MAPK8: variants seen among roughly 807,000 people sequenced by gnomAD.
MAPK8 encodes JUN N-terminal kinase.
Under a neutral mutation model 52.9 loss-of-function variants are expected in MAPK8, and 13 were observed. The observed-to-expected ratio is 0.25, with a 90% CI of 0.16 to 0.39. The LOEUF (loss-of-function observed/expected upper bound fraction) is 0.39. Among genes scored for constraint, MAPK8 ranks in the 10% least tolerant of loss-of-function variants. MAPK8 has a pLI of 1.00. For missense variants in MAPK8, 300 were observed against 519.2 expected, an observed-to-expected ratio of 0.58 and a Z score of 4.10; for synonymous variants, 191 against 169.8, an observed-to-expected ratio of 1.12 and a Z score of -0.97.
At chr10:48,399,626 G>A (rs933699538) in intron 1 of MAPK8, among the ~76,000 whole-genome samples, 4 of 152,222 alleles carry the variant, frequency 2.6e-5, no homozygotes, top group Non-Finnish European at 5.9e-5. Flanking sequence ...CTGCATGCAT[G>A]TTCCTGGATC....
chr10:48,373,386 A>G (rs749921622), intron 1 of MAPK8, among the ~76,000 whole-genome samples: 1 of 151,906 alleles, frequency 6.6e-6, no homozygotes, highest in Non-Finnish European at 1.5e-5. Flanking sequence ...ACACATAACA[A>G]TATTAACCTT....
At chr10:48,424,013 G>A (rs2043521483) in intron 6 of MAPK8, 75 bp from the exon 7 acceptor site, 1 of 1,020,738 alleles carries the variant, frequency 9.8e-7, no homozygotes, top group Non-Finnish European at 1.4e-6. Flanking sequence ...TTTATATAAT[G>A]CAGTCATATT....
chr10:48,397,821 C>A (rs1021096548), intron 1 of MAPK8, among the ~76,000 whole-genome samples: 9 of 152,040 alleles, frequency 5.9e-5, no homozygotes, highest in Non-Finnish European at 8.8e-5. Context: ...GAACTCCTGA[C>A]CTCAAGTGAT....
chr10:48,349,925 T>C lies in MAPK8; in HGVS notation c.-50+43104T>C, dbSNP rs189651476. 6.5e-4 allele frequency among the ~76,000 whole-genome samples: 99 copies of C among 152,180 alleles called. 1 individual carries two copies. In the East Asian group the frequency reaches 0.017, roughly 27 times the overall value. On this transcript the variant is annotated intron_variant, in intron 1 of 11. Transcript: ENST00000374189. ...ATCAAATAGACAAAATAAAAAATGA[T>C]AAAGGTGATATCACCACTGATCCCA...
At chr10:48,310,773 G>A (rs1184555214) in intron 1 of MAPK8, among the ~76,000 whole-genome samples, 1 of 151,120 alleles carries the variant, frequency 6.6e-6, no homozygotes, top group East Asian at 1.9e-4. Flanking sequence ...ATACGTATGT[G>A]CATGGAGAGA....
At chr10:48,363,688 C>G (rs1293302242) in intron 1 of MAPK8, among the ~76,000 whole-genome samples, 2 of 152,196 alleles carry the variant, frequency 1.3e-5, no homozygotes, top group African/African-American at 4.8e-5. Flanking sequence ...ATTAAACTTA[C>G]ATTTTTCTCC....
At chr10:48,362,372 C>T (rs1739947079) in intron 1 of MAPK8, among the ~76,000 whole-genome samples, 1 of 151,940 alleles carries the variant, frequency 6.6e-6, no homozygotes, top group Admixed American at 6.6e-5. Flanking sequence ...TTGTTTCTGC[C>T]TTGCTTTAAG....
intron 1 of MAPK8, among the ~76,000 whole-genome samples, chr10:48,365,612 A>T (rs975252964): frequency 4.6e-5 from 7 of 152,192 alleles, no homozygotes; most frequent in African/African-American, 9.6e-5. Flanking sequence ...AACCAAAATA[A>T]CGATAAACTA....
At chr10:48,431,169 C>A in intron 10 of MAPK8, 24 bp from the exon 11 acceptor site, 1 of 1,518,854 alleles carries the variant, frequency 6.6e-7, no homozygotes, top group Non-Finnish European at 9.1e-7. Flanking sequence ...TTGAAAAGTT[C>A]ATTTTTGTTT....
At chr10:48,406,535 C>T (rs928066901) in intron 3 of MAPK8, among the ~76,000 whole-genome samples, 1 of 152,228 alleles carries the variant, frequency 6.6e-6, no homozygotes, top group Admixed American at 6.5e-5. Context: ...GCAGAACTCT[C>T]AGCACCTAGA....
rs1238765091 is a variant in MAPK8, at chr10:48,371,323, A to G, written c.-49-30289A>G. ...TAGTTATCGATTATTACTCAGAGCTATAATATGGTTGGGCCCTTTCAAGTG... is the reference window on the plus strand; with the variant it reads ...TAGTTATCGATTATTACTCAGAGCTGTAATATGGTTGGGCCCTTTCAAGTG... On this transcript the variant is annotated intron_variant, in intron 1 of 11. Coordinates refer to ENST00000374189, the MANE Select transcript of MAPK8 (RefSeq NM_001323329.2). Among the ~76,000 whole-genome samples, 6 of 152,120 alleles carry G rather than the reference A, an allele frequency of 3.9e-5. 1 individual carries two copies. The highest frequency in any genetic ancestry group is 3.8e-4 in the East Asian group (2 of 5,198).
chr10:48,317,322 G>T (rs1335613891), intron 1 of MAPK8, among the ~76,000 whole-genome samples: 5 of 151,970 alleles, frequency 3.3e-5, no homozygotes, highest in Non-Finnish European at 7.4e-5. Flanking sequence ...GCTGGGACTC[G>T]GCTGGCGAAT....
At chr10:48,413,549 T>C (rs2133110433) in intron 5 of MAPK8, among the ~76,000 whole-genome samples, 1 of 152,184 alleles carries the variant, frequency 6.6e-6, no homozygotes, top group South Asian at 2.1e-4. Flanking sequence ...GCCGTAAACC[T>C]TTGAATAATT....
intron 1 of MAPK8, among the ~76,000 whole-genome samples, chr10:48,311,547 T>C (rs1841985314): frequency 6.6e-6 from 1 of 152,182 alleles, no homozygotes; most frequent in African/African-American, 2.4e-5. Context: ...GGAATGAGAA[T>C]TTAGGAGCTA....
At chr10:48,380,423 A>G (rs1028870782) in intron 1 of MAPK8, among the ~76,000 whole-genome samples, 2 of 152,086 alleles carry the variant, frequency 1.3e-5, no homozygotes, top group African/African-American at 4.8e-5. Flanking sequence ...ACTGTATCAG[A>G]TATCAAAGGT....
Position 48,439,317 on chromosome 10 carries a change from ATATTT to A in MAPK8, c.*4291_*4295del, listed in dbSNP as rs1379261139. 3 of 150,136 alleles carry A rather than the reference ATATTT, an allele frequency of 2.0e-5. No individual in the cohort carries two copies. The highest frequency in any genetic ancestry group is 6.7e-5 in the Admixed American group (1 of 15,022). 9.3% of individuals were successfully genotyped at this position (150,136 alleles called of 1,614,324 possible). A position where few individuals can be genotyped will look rare whatever the true frequency, so the allele number is the denominator to read the frequency against. ...TTATCTAGTATGTCAATTGGTTATA[ATATTT>A]TAAATAAAAAAGAAAAAAGTGGTAT... On this transcript the variant is annotated 3_prime_UTR_variant, in exon 12 of 12. Coordinates refer to ENST00000374189, the MANE Select transcript of MAPK8 (RefSeq NM_001323329.2).
At chr10:48,366,371 G>T (rs1848041071) in intron 1 of MAPK8, among the ~76,000 whole-genome samples, 1 of 152,172 alleles carries the variant, frequency 6.6e-6, no homozygotes, top group Non-Finnish European at 1.5e-5. Flanking sequence ...CTTACAACTG[G>T]TGAGCTGTTC....
At chr10:48,357,595 A>G (rs1847101896) in intron 1 of MAPK8, among the ~76,000 whole-genome samples, 1 of 152,024 alleles carries the variant, frequency 6.6e-6, no homozygotes, top group African/African-American at 2.4e-5. Flanking sequence ...ATGGAGTTTC[A>G]CCATGTTGCC....
chr10:48,331,811 C>T (rs977787514), intron 1 of MAPK8, among the ~76,000 whole-genome samples: 1 of 152,076 alleles, frequency 6.6e-6, no homozygotes, highest in Non-Finnish European at 1.5e-5. Flanking sequence ...TATGGGTGCC[C>T]CTATAATAAC....
Sources: allele counts gnomAD v4.1 joint callset (sites outside exome capture counted in the v4.1 genomes callset), GRCh38; gene constraint gnomAD v4.1.1; transcripts MANE v1.5; gene names NCBI Gene and HGNC (gene_info 2026-07-23, HGNC 2026-07-21).